The following TRPV3 variants were observed in gnomAD, a reference collection of about 807,000 sequenced individuals.
TRPV3 encodes the protein transient receptor potential cation channel subfamily V member 3, also known as VRL-3.
In TRPV3, 88 loss-of-function variants were observed where a neutral mutation model predicts 87.1. The ratio of observed to expected loss-of-function variants is 1.01; its 90% CI spans 0.85 to 1.21. The LOEUF (loss-of-function observed/expected upper bound fraction) is 1.21. Ranked by LOEUF, TRPV3 falls within the 50% of genes most tolerant of loss-of-function variation. The probability of loss-of-function intolerance (pLI) is 0.00; values close to 1 mark genes in which losing one functional copy is unlikely to be tolerated. For missense variants in TRPV3, 1,054 were observed against 1,030.1 expected, an observed-to-expected ratio of 1.02 and a Z score of -0.32; for synonymous variants, 438 against 423.3, an observed-to-expected ratio of 1.03 and a Z score of -0.43.
rs143075086 is a variant in TRPV3 at position 3,535,667 on chromosome 17, G to A, written c.690C>T (p.Ile230=). 11 of 1,599,260 alleles carry A rather than the reference G, an allele frequency of 6.9e-6. No individual in the cohort carries two copies. The African/African-American group carries it at 1.4e-4, about 20-fold the overall frequency. Residue 230 remains isoleucine (I), a synonymous_variant, in exon 7 of 18, where the codon ATC becomes ATT. Transcript: ENST00000576742. ...NIAIERRQGD[I]AALLIAAGAD... is the part of the protein sequence containing the mutation. Reference sequence around the variant, plus strand: ...CGCCGGCGGCGATGAGCAGGGCTGCGATGTCCCCCTGCCGCCGCTCGATGG... The same window carrying A: ...CGCCGGCGGCGATGAGCAGGGCTGCAATGTCCCCCTGCCGCCGCTCGATGG...
At chr17:3,548,080 C>T (rs1328843283) in intron 2 of TRPV3, among the ~76,000 whole-genome samples, 1 of 152,222 alleles carries the variant, frequency 6.6e-6, no homozygotes, top group Admixed American at 6.5e-5. Context: ...GTGGCCTGGC[C>T]AGGGACTGTG....
At chr17:3,542,171 G>T (rs1178409040) in intron 6 of TRPV3, among the ~76,000 whole-genome samples, 1 of 151,970 alleles carries the variant, frequency 6.6e-6, no homozygotes, top group Non-Finnish European at 1.5e-5. Context: ...TGGTCAGGCT[G>T]GTCTTGAACT....
intron 7 of TRPV3, 50 bp from the exon 8 acceptor site, chr17:3,532,987 C>T (rs762496737): frequency 1.6e-5 from 25 of 1,596,684 alleles, no homozygotes; most frequent in Non-Finnish European, 1.9e-5. Context: ...CCGGAAGCAG[C>T]GTCCCCCAAG....
rs987011054 is a variant in TRPV3, at chr17:3,557,209, C to T, written c.-3+467G>A. Among the ~76,000 whole-genome samples the T allele has an allele frequency of 3.3e-4, 50 of 152,148 alleles. No individual in the cohort carries two copies. Among genetic ancestry groups the T allele is most frequent in the African/African-American group, 4.8e-5 (2 of 41,432 alleles). On this transcript the variant is annotated intron_variant, in intron 1 of 17. Transcript: ENST00000576742. This position sits in a 1 kb window ranked among gnomAD's most constrained non-coding sequence, Gnocchi z 4.5. ...ACTGATTGAAATGGCCTTTCCCGGG[C>T]GACAGACCAGGCCGCGGAGCCACAG... is the stretch of plus-strand genomic sequence containing the variant.
In TRPV3 at chr17:3,556,962, T is replaced by C. The variant is rs2150811633; in HGVS notation, c.-3+714A>G. On this transcript the variant is annotated intron_variant, in intron 1 of 17. Coordinates refer to ENST00000576742, the MANE Select transcript of TRPV3 (RefSeq NM_145068.4). This position sits in a 1 kb window ranked among gnomAD's most constrained non-coding sequence, Gnocchi z 4.2. ...CCTTTCTGAGAAGTGGGCTGAATGGTCCCCAAGGACTCTGTGGCCCTGAGA... is the reference window on the plus strand; with the variant it reads ...CCTTTCTGAGAAGTGGGCTGAATGGCCCCCAAGGACTCTGTGGCCCTGAGA... Among the ~76,000 whole-genome samples, 1 of 152,196 alleles carries C rather than the reference T, an allele frequency of 6.6e-6. No homozygotes were observed. Among genetic ancestry groups the C allele is most frequent in the African/African-American group, 2.4e-5 (1 of 41,522 alleles).
chr17:3,521,689 C>T (rs776709475), intron 13 of TRPV3, among the ~76,000 whole-genome samples: 1 of 152,082 alleles, frequency 6.6e-6, no homozygotes, highest in East Asian at 1.9e-4. Context: ...GTCAGCTGTA[C>T]CTCAATAAAG....
chr17:3,518,850 G>C lies in TRPV3; in HGVS notation c.1811C>G (p.Ala604Gly), dbSNP rs759740119. Residue 604 changes from alanine to glycine, a missense_variant and splice_region_variant, in exon 15 of 18, where the codon GCC becomes GGC. By Grantham distance (60) the Ala-to-Gly change is moderately conservative. Transcript: ENST00000576742. The surrounding 1 kb of genome is among the most constrained non-coding windows in gnomAD (Gnocchi z 4.3). ...YIVFLLGFGV[A>G]LASLIEKCPK... is the part of the protein sequence containing the mutation. The stretch of plus-strand genomic sequence containing the variant: ...ACACTTCTCGATCAGCGAGGCCAAG[G>C]CTAAGGGAACATAACAGGGTGCTCT... The C allele has an allele frequency of 6.2e-7, 1 of 1,612,440 alleles. No homozygotes were observed.
intron 16 of TRPV3, among the ~76,000 whole-genome samples, chr17:3,515,060 G>A (rs9908770): frequency 0.076 from 11,612 of 152,162 alleles, 1,422 homozygotes; most frequent in African/African-American, 0.26. Context: ...AGTGTAGCAG[G>A]GGTTGAGGAA....
chr17:3,522,504 A>AT (rs2074256352), intron 13 of TRPV3, among the ~76,000 whole-genome samples: 1 of 152,180 alleles, frequency 6.6e-6, no homozygotes, highest in East Asian at 1.9e-4. Flanking sequence ...GATAAAATAA[A>AT]TTTTATAAAT....
intron 4 of TRPV3, 53 bp downstream of exon 4, chr17:3,544,526 G>A: frequency 5.9e-6 from 7 of 1,191,404 alleles, no homozygotes; most frequent in Non-Finnish European, 8.4e-6. Flanking sequence ...CTGTCTCTCT[G>A]GCACCCCCAG....
chr17:3,549,650 TGATG>T (rs999639602), intron 2 of TRPV3, among the ~76,000 whole-genome samples: 3 of 151,958 alleles, frequency 2.0e-5, no homozygotes, highest in Admixed American at 6.6e-5. Context: ...GATGGGTGGA[TGATG>T]GATGGATGGA....
intron 4 of TRPV3, 96 bp downstream of exon 4, chr17:3,544,483 G>A (rs2074503180): frequency 1.4e-6 from 1 of 734,870 alleles, no homozygotes; most frequent in Non-Finnish European, 2.2e-6. Flanking sequence ...CAGGAATGGT[G>A]GATTCTTTCT....
chr17:3,514,014 G>T lies in TRPV3; in HGVS notation c.2279-3C>A. The T allele has an allele frequency of 6.2e-7, 1 of 1,607,446 alleles. No individual in the cohort carries two copies. Among genetic ancestry groups the T allele is most frequent in the East Asian group, 2.2e-5 (1 of 44,850 alleles). On this transcript the variant is annotated splice_polypyrimidine_tract_variant and splice_region_variant and intron_variant, in intron 17 of 17. Transcript: ENST00000576742. Reference sequence around the variant, plus strand: ...AGAATCTTGGATTTTGTTGAAATCTGCTTTTTAAAAAAATATATATTTTAG... The same window carrying T: ...AGAATCTTGGATTTTGTTGAAATCTTCTTTTTAAAAAAATATATATTTTAG...
Position 3,513,815 on chromosome 17 carries a change from A to G in TRPV3, c.*102T>C. ...GGGTGCACTCTGCTTCTAGGCCAGC[A>G]GAGCCGGACTCCACCATCCCTCAAA... On this transcript the variant is annotated 3_prime_UTR_variant, in exon 18 of 18. Coordinates refer to ENST00000576742, the MANE Select transcript of TRPV3 (RefSeq NM_145068.4). The G allele has an allele frequency of 1.0e-6, 1 of 992,034 alleles. No homozygotes were observed. Among genetic ancestry groups the G allele is most frequent in the South Asian group, 1.4e-5 (1 of 70,404 alleles). The allele number at this position is 992,034 out of a possible 1,614,324, so 61.5% of individuals were successfully genotyped here.
chr17:3,556,848 C>A lies in TRPV3; in HGVS notation c.-3+828G>T, dbSNP rs1567648562. Among the ~76,000 whole-genome samples, 1 of 152,072 alleles carries A rather than the reference C, an allele frequency of 6.6e-6. No individual in the cohort carries two copies. The highest frequency in any genetic ancestry group is 6.5e-5 in the Admixed American group (1 of 15,282). ...TATGGCTTTCCCCATCCCCACGTGG[C>A]CTTTGGTGGACTAAAAGGCTGGGAT... is the stretch of plus-strand genomic sequence containing the variant. On this transcript the variant is annotated intron_variant, in intron 1 of 17. Coordinates refer to ENST00000576742, the MANE Select transcript of TRPV3 (RefSeq NM_145068.4). The surrounding 1 kb of genome is among the most constrained non-coding windows in gnomAD (Gnocchi z 4.2).
intron 4 of TRPV3, 130 bp downstream of exon 4, chr17:3,544,449 C>A: frequency 1.7e-6 from 1 of 601,486 alleles, no homozygotes; most frequent in Non-Finnish European, 2.9e-6. Context: ...GCCATGGACC[C>A]ATGACTCCAC....
chr17:3,525,255 G>T (rs962655485), intron 12 of TRPV3, among the ~76,000 whole-genome samples: 2 of 152,166 alleles, frequency 1.3e-5, no homozygotes, highest in Non-Finnish European at 2.9e-5. Flanking sequence ...TCTGACCTCA[G>T]GTGATCCACC....
intron 13 of TRPV3, among the ~76,000 whole-genome samples, chr17:3,522,820 C>CAAAA (rs772785322): frequency 6.2e-5 from 4 of 64,698 alleles, no homozygotes; most frequent in African/African-American, 1.0e-4. Context: ...CAGTCACAAA[C>CAAAA]AAAAAAAAAA....
chr17:3,520,015 C>T (rs62069860), intron 14 of TRPV3, among the ~76,000 whole-genome samples: 1,643 of 60,368 alleles, frequency 0.027, 28 homozygotes, highest in Middle Eastern at 0.1. Flanking sequence ...GATGGATGGA[C>T]GGATAGACAG....
Sources: allele counts gnomAD v4.1 joint callset (sites outside exome capture counted in the v4.1 genomes callset), GRCh38; gene constraint gnomAD v4.1.1; non-coding constraint Gnocchi (gnomAD v3.1); transcripts MANE v1.5; gene names NCBI Gene and HGNC (gene_info 2026-07-23, HGNC 2026-07-21).